The following NHSL1 variants were observed in gnomAD, a reference collection of about 807,000 sequenced individuals.
NHSL1 encodes the protein NHS like 1.
A neutral mutation model predicts 95.0 loss-of-function variants in NHSL1; 48 were observed. That is an observed-to-expected ratio of 0.51 (90% confidence interval 0.40 to 0.64). The LOEUF is 0.64. NHSL1 is among the 30% of genes least tolerant of loss of function. The pLI is 0.00. For missense variants in NHSL1, 1,971 were observed against 2,077.7 expected (o/e 0.95, Z 1.00); for synonymous variants, 783 against 833.9 (o/e 0.94, Z 1.05).
At chr6:138,566,250 T>G (rs1783610982) in intron 1 of NHSL1, among the ~76,000 whole-genome samples, 1 of 151,688 alleles carries the variant, frequency 6.6e-6, no homozygotes, top group African/African-American at 2.4e-5. Context: ...ATATAAAAAT[T>G]AGCCGGGCGT....
At chr6:138,446,065 G>A (rs906594816) in intron 4 of NHSL1, among the ~76,000 whole-genome samples, 3 of 119,492 alleles carry the variant, frequency 2.5e-5, no homozygotes, top group Admixed American at 1.7e-4. Context: ...GTGAAGTTTT[G>A]CTCCTTTTTG....
chr6:138,610,346 C>G (rs1250006826), intron 1 of NHSL1, among the ~76,000 whole-genome samples: 1 of 151,842 alleles, frequency 6.6e-6, no homozygotes, highest in Non-Finnish European at 1.5e-5. Context: ...ACAATGAGAA[C>G]ACTTGGACAC....
chr6:138,490,150 A>AT (rs887483120), intron 2 of NHSL1, among the ~76,000 whole-genome samples: 33 of 151,348 alleles, frequency 2.2e-4, no homozygotes, highest in East Asian at 7.8e-4. Context: ...TATATGTCAT[A>AT]TTTTTTTTTA....
chr6:138,565,015 G>A (rs150489152), intron 1 of NHSL1, among the ~76,000 whole-genome samples: 3 of 152,256 alleles, frequency 2.0e-5, no homozygotes, highest in East Asian at 1.9e-4. Context: ...GGCAGATCCC[G>A]TAAAGTTTCA....
At chr6:138,514,331 A>C (rs564502483) in intron 1 of NHSL1, among the ~76,000 whole-genome samples, 2 of 151,958 alleles carry the variant, frequency 1.3e-5, no homozygotes, top group South Asian at 4.2e-4. Context: ...ACAAACAAAC[A>C]AACAAACAAA....
At chr6:138,453,051 C>T (rs1777343634) in intron 3 of NHSL1, among the ~76,000 whole-genome samples, 1 of 151,886 alleles carries the variant, frequency 6.6e-6, no homozygotes, top group Non-Finnish European at 1.5e-5. Flanking sequence ...TCTTGGCTCA[C>T]TGCATCTCCG....
chr6:138,497,090 A>G (rs377473426), intron 1 of NHSL1, among the ~76,000 whole-genome samples: 3 of 152,254 alleles, frequency 2.0e-5, no homozygotes, highest in Admixed American at 6.5e-5. Context: ...CCAAGACATT[A>G]GAGGACAAAA....
At chr6:138,563,950 T>C (rs1291867492) in intron 1 of NHSL1, among the ~76,000 whole-genome samples, 3 of 152,182 alleles carry the variant, frequency 2.0e-5, no homozygotes, top group Non-Finnish European at 4.4e-5. Context: ...GGAAACCAGT[T>C]AAGAAAAGAT....
intron 1 of NHSL1, among the ~76,000 whole-genome samples, chr6:138,662,583 T>C (rs916720610): frequency 2.0e-5 from 3 of 152,180 alleles, no homozygotes; most frequent in African/African-American, 7.2e-5. Context: ...TCATAGTCAT[T>C]TGACTTGCCT....
At chr6:138,557,028 G>T (rs1444241286) in intron 1 of NHSL1, among the ~76,000 whole-genome samples, 1 of 152,196 alleles carries the variant, frequency 6.6e-6, no homozygotes, top group Admixed American at 6.5e-5. Flanking sequence ...TGCTTAGTAA[G>T]TGAAACAAAG....
chr6:138,672,360 C>A (rs1188482568), intron 1 of NHSL1, among the ~76,000 whole-genome samples: 1 of 152,156 alleles, frequency 6.6e-6, no homozygotes, highest in Admixed American at 6.5e-5. Flanking sequence ...TTCATCGCTA[C>A]CTCCTCCCTA....
intron 1 of NHSL1, among the ~76,000 whole-genome samples, chr6:138,641,283 C>T (rs776847441): frequency 5.9e-5 from 9 of 152,112 alleles, no homozygotes; most frequent in Non-Finnish European, 1.2e-4. Flanking sequence ...GAGGAAAACA[C>T]CAAAACCTGG....
intron 1 of NHSL1, among the ~76,000 whole-genome samples, chr6:138,599,235 G>A (rs1784340590): frequency 6.6e-6 from 1 of 152,232 alleles, no homozygotes; most frequent in Non-Finnish European, 1.5e-5. Context: ...TGTAAGGCCA[G>A]GCGCAGTGGC....
At chr6:138,438,748 G>A (rs1324972659) in intron 5 of NHSL1, among the ~76,000 whole-genome samples, 1 of 152,128 alleles carries the variant, frequency 6.6e-6, no homozygotes, top group Non-Finnish European at 1.5e-5. Context: ...TAGGCTATGA[G>A]TTTTTAAAAA....
chr6:138,491,780 T>C (rs1318481459), intron 2 of NHSL1, among the ~76,000 whole-genome samples: 3 of 152,206 alleles, frequency 2.0e-5, no homozygotes, highest in Non-Finnish European at 4.4e-5. Flanking sequence ...ACCAGAAATG[T>C]TTCCGATTTG....
At chr6:138,524,725 A>G (rs575659418) in intron 1 of NHSL1, among the ~76,000 whole-genome samples, 9 of 152,240 alleles carry the variant, frequency 5.9e-5, no homozygotes, top group African/African-American at 1.7e-4. Context: ...GCTGGGTCAG[A>G]GTGTGTGCAT....
At chr6:138,604,209 A>T (rs1331695218) in intron 1 of NHSL1, among the ~76,000 whole-genome samples, 1 of 152,218 alleles carries the variant, frequency 6.6e-6, no homozygotes, top group Admixed American at 6.5e-5. Flanking sequence ...TCAACTAAAA[A>T]GAAAAATAAA....
At chr6:138,464,555 T>G (rs903342701) in intron 3 of NHSL1, among the ~76,000 whole-genome samples, 2 of 152,150 alleles carry the variant, frequency 1.3e-5, no homozygotes, top group South Asian at 4.1e-4. Context: ...TGTGATTTTT[T>G]TTTTCCATTT....
chr6:138,580,420 G>A (rs1313352819), intron 1 of NHSL1, among the ~76,000 whole-genome samples: 1 of 152,208 alleles, frequency 6.6e-6, no homozygotes, highest in African/African-American at 2.4e-5. Flanking sequence ...GGGATGAGAT[G>A]TACTCTCTAG....
Sources: allele counts gnomAD v4.1 joint callset (sites outside exome capture counted in the v4.1 genomes callset), GRCh38; gene constraint gnomAD v4.1.1; transcripts MANE v1.5; gene names NCBI Gene and HGNC (gene_info 2026-07-23, HGNC 2026-07-21).